The following COLGALT2 variants were observed in gnomAD, a reference collection of about 807,000 sequenced individuals.
The protein encoded by COLGALT2 is collagen beta(1-O)galactosyltransferase 2.
A neutral mutation model predicts 73.4 loss-of-function variants in COLGALT2; 49 were observed. The ratio of observed to expected loss-of-function variants is 0.67; its 90% confidence interval spans 0.53 to 0.85. The LOEUF is 0.85. Among genes scored for constraint, COLGALT2 ranks in the 40% least tolerant of loss-of-function variants. The pLI is 0.00. For missense variants in COLGALT2, 722 were observed against 790.2 expected (o/e 0.91, Z 1.03); for synonymous variants, 295 against 307.6 (o/e 0.96, Z 0.43).
At chr1:184,034,661 G>A (rs1161538775) in intron 1 of COLGALT2, among the ~76,000 whole-genome samples, 1 of 152,176 alleles carries the variant, frequency 6.6e-6, no homozygotes, top group African/African-American at 2.4e-5. Context: ...CTGTAAAGTG[G>A]TATAATAACA....
chr1:183,997,476 C>G (rs962763368), intron 1 of COLGALT2, among the ~76,000 whole-genome samples: 1 of 152,090 alleles, frequency 6.6e-6, no homozygotes, highest in African/African-American at 2.4e-5. Flanking sequence ...GCAGAGGTGT[C>G]CAATCTCTTG....
rs993783816 is a variant in COLGALT2, at chr1:183,937,972, A to G, written c.*789T>C. ...CCAGTCCTCACCCTTTATATATTAC[A>G]TTTATCTTTATAAATAGAGCATCCT... is the stretch of plus-strand genomic sequence containing the variant. On this transcript the variant is annotated 3_prime_UTR_variant, in exon 12 of 12. Coordinates refer to ENST00000361927, the MANE Select transcript of COLGALT2 (RefSeq NM_015101.4). 3 of 985,256 alleles carry G rather than the reference A, an allele frequency of 3.0e-6. No homozygotes were observed. Among genetic ancestry groups the G allele is most frequent in the African/African-American group, 1.7e-5 (1 of 57,224 alleles). 61.0% of individuals were successfully genotyped at this position (985,256 alleles called of 1,614,324 possible).
intron 1 of COLGALT2, among the ~76,000 whole-genome samples, chr1:183,994,321 A>G (rs1185030892): frequency 3.3e-5 from 5 of 151,800 alleles, no homozygotes; most frequent in African/African-American, 1.2e-4. Flanking sequence ...TACAGGCATG[A>G]GCCACCGCAC....
chr1:184,021,776 A>G (rs1018116551), intron 1 of COLGALT2, among the ~76,000 whole-genome samples: 3 of 152,188 alleles, frequency 2.0e-5, no homozygotes, highest in Non-Finnish European at 4.4e-5. Flanking sequence ...TTTACTATCT[A>G]TTTAGTTGAG....
At chr1:184,015,317 T>C (rs1368492400) in intron 1 of COLGALT2, among the ~76,000 whole-genome samples, 2 of 152,192 alleles carry the variant, frequency 1.3e-5, no homozygotes, top group Non-Finnish European at 1.5e-5. Flanking sequence ...ATCTATCCTG[T>C]TGCTTTTAGG....
At chr1:183,973,475 C>A in intron 4 of COLGALT2, 141 bp downstream of exon 4, 1 of 1,039,198 alleles carries the variant, frequency 9.6e-7, no homozygotes, top group South Asian at 1.5e-5. Flanking sequence ...TACTGCCCTT[C>A]CTAAAAAATG....
chr1:183,968,923 C>T (rs772131175), intron 5 of COLGALT2, among the ~76,000 whole-genome samples: 4 of 152,094 alleles, frequency 2.6e-5, no homozygotes, highest in African/African-American at 4.8e-5. Flanking sequence ...TTGTTTTAGG[C>T]CTCTGTGACA....
intron 1 of COLGALT2, among the ~76,000 whole-genome samples, chr1:184,001,611 G>A (rs988189255): frequency 1.4e-4 from 22 of 152,008 alleles, no homozygotes; most frequent in African/African-American, 5.3e-4. Flanking sequence ...TGTACTTAAA[G>A]CATCATTTTC....
chr1:183,945,273 T>C (rs1456508091), intron 9 of COLGALT2, among the ~76,000 whole-genome samples, 159 bp downstream of exon 9: 3 of 152,190 alleles, frequency 2.0e-5, no homozygotes, highest in African/African-American at 7.2e-5. Context: ...CCTTTGTTGC[T>C]GGTCTTGGGT....
intron 1 of COLGALT2, among the ~76,000 whole-genome samples, chr1:183,982,954 T>C (rs1671392450): frequency 1.3e-5 from 2 of 152,250 alleles, no homozygotes; most frequent in South Asian, 4.1e-4. Flanking sequence ...TCGTACGAAA[T>C]GTGTTTTCCT....
chr1:183,945,998 A>G (rs1229337662), intron 8 of COLGALT2: 3 of 157,604 alleles, frequency 1.9e-5, no homozygotes, highest in African/African-American at 7.2e-5. Context: ...GAAAACCAGT[A>G]GCCTCACAAC....
At chr1:183,984,565 G>A (rs4650648) in intron 1 of COLGALT2, among the ~76,000 whole-genome samples, 15,535 of 152,192 alleles carry the variant, frequency 0.1, 949 homozygotes, top group Admixed American at 0.17. Context: ...ACTTTTAGGG[G>A]AGCTGTGGCC....
At chr1:184,003,260 T>A (rs1264758771) in intron 1 of COLGALT2, among the ~76,000 whole-genome samples, 1 of 152,192 alleles carries the variant, frequency 6.6e-6, no homozygotes, top group South Asian at 2.1e-4. Flanking sequence ...AGTGACACTG[T>A]CTGATTTCCA....
At chr1:184,005,566 C>A (rs530220880) in intron 1 of COLGALT2, among the ~76,000 whole-genome samples, 4 of 152,282 alleles carry the variant, frequency 2.6e-5, no homozygotes, top group South Asian at 4.2e-4. Context: ...CCCACCTATG[C>A]CCTTCCTGCC....
chr1:184,005,913 T>C (rs554332534), intron 1 of COLGALT2, among the ~76,000 whole-genome samples: 1 of 152,224 alleles, frequency 6.6e-6, no homozygotes, highest in South Asian at 2.1e-4. Context: ...TTTAATCTGT[T>C]TGCTATCATA....
Position 184,037,114 on chromosome 1 carries a change from T to TG in COLGALT2, c.243dup (p.Lys82GlnfsTer11). Reference sequence around the variant, plus strand: ...GCTCACCAGATGGCCATCCTGCTCTTGGGGTAGTCCAGCCGCTCCAGGCAG... The same window carrying TG: ...GCTCACCAGATGGCCATCCTGCTCTTGGGGGTAGTCCAGCCGCTCCAGGCAG... On this transcript the variant is annotated frameshift_variant, in exon 1 of 12. Transcript: ENST00000361927. LOFTEE classifies it high-confidence loss of function. 6.3e-7 allele frequency: 1 copy of TG among 1,592,954 alleles called. No homozygotes were observed. Among genetic ancestry groups the TG allele is most frequent in the East Asian group, 2.3e-5 (1 of 42,590 alleles).
chr1:183,961,966 T>C (rs951489940), intron 6 of COLGALT2, among the ~76,000 whole-genome samples: 1 of 152,074 alleles, frequency 6.6e-6, no homozygotes, highest in Non-Finnish European at 1.5e-5. Flanking sequence ...ATTCATTCAG[T>C]CATTTAACAA....
chr1:184,033,200 C>T (rs1238771467), intron 1 of COLGALT2, among the ~76,000 whole-genome samples: 1 of 152,190 alleles, frequency 6.6e-6, no homozygotes, highest in Non-Finnish European at 1.5e-5. Flanking sequence ...TTCCCTGCGC[C>T]ATGCTTCGGT....
At chr1:184,010,297 T>C (rs889975316) in intron 1 of COLGALT2, among the ~76,000 whole-genome samples, 3 of 152,212 alleles carry the variant, frequency 2.0e-5, no homozygotes, top group South Asian at 2.1e-4. Context: ...TCCTTAAATA[T>C]TGGCAATTTA....
Sources: gnomAD v4.1 joint callset for allele counts (sites outside exome capture counted in the v4.1 genomes callset) on GRCh38, gnomAD v4.1.1 for gene constraint, MANE v1.5 for transcripts, NCBI Gene and HGNC (gene_info 2026-07-23, HGNC 2026-07-21) for gene names.